The following ARB2A variants were observed in gnomAD, a reference collection of about 807,000 sequenced individuals.
ARB2A encodes the protein ARB2 cotranscriptional regulator A, also known as cotranscriptional regulator ARB2A.
the ARB2A span, among the ~76,000 whole-genome samples, chr5:93,973,011 T>C: frequency 6.6e-6 from 1 of 152,098 alleles, no homozygotes; most frequent in African/African-American, 2.4e-5. Context: ...TGCAGTAGCA[T>C]GATCATAGCT....
the ARB2A span, among the ~76,000 whole-genome samples, chr5:94,047,881 T>C: frequency 1.3e-5 from 2 of 152,090 alleles, 1 homozygote; most frequent in African/African-American, 4.8e-5. Flanking sequence ...TAGCAACCTG[T>C]CCAAGTGAGC....
At chr5:94,084,387 T>C in the ARB2A span, among the ~76,000 whole-genome samples, 1 of 151,992 alleles carries the variant, frequency 6.6e-6, no homozygotes, top group African/African-American at 2.4e-5. Context: ...AAAATGCTAC[T>C]GAAATACATT....
At chr5:93,827,689 G>A in the ARB2A span, among the ~76,000 whole-genome samples, 1 of 151,540 alleles carries the variant, frequency 6.6e-6, no homozygotes, top group African/African-American at 2.4e-5. Flanking sequence ...TGTCCTGAAT[G>A]GTAATGCCTA....
chr5:94,066,602 C>T, the ARB2A span, among the ~76,000 whole-genome samples: 1 of 151,960 alleles, frequency 6.6e-6, no homozygotes, highest in African/African-American at 2.4e-5. Flanking sequence ...TGAATAAATT[C>T]CTGGACAAAT....
chr5:93,888,477 C>T, the ARB2A span, among the ~76,000 whole-genome samples: 1 of 151,840 alleles, frequency 6.6e-6, no homozygotes, highest in Non-Finnish European at 1.5e-5. Flanking sequence ...AGATTCATCT[C>T]ATTAACTTTA....
the ARB2A span, among the ~76,000 whole-genome samples, chr5:93,911,257 G>C: frequency 6.6e-6 from 1 of 151,536 alleles, no homozygotes; most frequent in Non-Finnish European, 1.5e-5. Context: ...TAAATTTGTA[G>C]GTAAAAAGAC....
the ARB2A span, among the ~76,000 whole-genome samples, chr5:93,717,696 A>G: frequency 6.6e-6 from 1 of 152,090 alleles, no homozygotes. Flanking sequence ...AGAGAACTGC[A>G]CTTGTTCCTA....
chr5:93,802,757 T>C, the ARB2A span, among the ~76,000 whole-genome samples: 2 of 152,112 alleles, frequency 1.3e-5, no homozygotes, highest in Non-Finnish European at 2.9e-5. Flanking sequence ...ATAGGTATTT[T>C]GGCCATTTAC....
chr5:93,827,906 T>C, the ARB2A span, among the ~76,000 whole-genome samples: 2 of 152,192 alleles, frequency 1.3e-5, no homozygotes, highest in Non-Finnish European at 2.9e-5. Flanking sequence ...CAGATAGTCG[T>C]AGGCATGCGG....
At chr5:93,814,573 T>G in the ARB2A span, among the ~76,000 whole-genome samples, 8 of 152,226 alleles carry the variant, frequency 5.3e-5, no homozygotes, top group Non-Finnish European at 8.8e-5. Flanking sequence ...TGTATGGATC[T>G]TTATACTGTG....
At chr5:93,824,798 ACT>A in the ARB2A span, among the ~76,000 whole-genome samples, 1 of 152,072 alleles carries the variant, frequency 6.6e-6, no homozygotes, top group Non-Finnish European at 1.5e-5. Flanking sequence ...GTGGTTGAGA[ACT>A]CTCTGATGAA....
the ARB2A span, among the ~76,000 whole-genome samples, chr5:93,744,434 C>CAAAAAAAAAAAAAAAAAAA: frequency 6.9e-4 from 10 of 14,536 alleles, 2 homozygotes; most frequent in African/African-American, 2.4e-3. Flanking sequence ...GACTCAGTCT[C>CAAAAAAAAAAAAAAAAAAA]AAAAAAAAAA....
the ARB2A span, among the ~76,000 whole-genome samples, chr5:93,789,830 G>A: frequency 1.3e-5 from 2 of 152,144 alleles, no homozygotes; most frequent in Non-Finnish European, 2.9e-5. Context: ...CATCTTTGGT[G>A]TAACACTAAA....
At chr5:93,740,471 T>G in the ARB2A span, 289 of 1,241,772 alleles carry the variant, frequency 2.3e-4, no homozygotes, top group Non-Finnish European at 2.9e-4. Context: ...AGACAGTGAA[T>G]GAGAAATTAA....
the ARB2A span, among the ~76,000 whole-genome samples, chr5:93,931,739 TAA>T: frequency 9.5e-5 from 14 of 147,424 alleles, no homozygotes; most frequent in East Asian, 2.8e-3. Flanking sequence ...GCAGTCAGAT[TAA>T]AAAAAAAAAT....
At chr5:93,665,866 T>G in the ARB2A span, among the ~76,000 whole-genome samples, 1 of 152,148 alleles carries the variant, frequency 6.6e-6, no homozygotes, top group Admixed American at 6.5e-5. Context: ...AAATGATAAT[T>G]TACACATGAA....
the ARB2A span, among the ~76,000 whole-genome samples, chr5:94,002,201 C>A: frequency 6.6e-6 from 1 of 151,964 alleles, no homozygotes; most frequent in African/African-American, 2.4e-5. Context: ...AACTAATTTA[C>A]CCTGAGGGTA....
the ARB2A span, among the ~76,000 whole-genome samples, chr5:93,948,887 C>T: frequency 5.6e-4 from 85 of 152,270 alleles, 1 homozygote; most frequent in Middle Eastern, 0.01. Context: ...AACCTTTCAC[C>T]TCTAAGCAGT....
At chr5:93,754,246 G>A in the ARB2A span, among the ~76,000 whole-genome samples, 1 of 152,244 alleles carries the variant, frequency 6.6e-6, no homozygotes, top group Admixed American at 6.5e-5. Context: ...CATTCTAGTA[G>A]GAGAGACAGA....
Sources: gnomAD v4.1 joint callset for allele counts (sites outside exome capture counted in the v4.1 genomes callset) on GRCh38, gnomAD v4.1.1 for gene constraint, MANE v1.5 for transcripts, NCBI Gene and HGNC (gene_info 2026-07-23, HGNC 2026-07-21) for gene names.